Variants in SLC16A7 observed in about 807,000 individuals in gnomAD.
The protein encoded by SLC16A7 is solute carrier family 16 member 7.
Under a neutral mutation model 34.9 loss-of-function variants are expected in SLC16A7, and 33 were observed. That is an observed-to-expected ratio of 0.94 (90% CI 0.72 to 1.26). SLC16A7 has a LOEUF of 1.26. Among genes scored for constraint, SLC16A7 ranks in the 50% most tolerant of loss-of-function variants. The probability of loss-of-function intolerance (pLI) is 0.00; values close to 1 mark genes in which losing one functional copy is unlikely to be tolerated. For missense variants in SLC16A7, 573 were observed against 578.1 expected (o/e 0.99, Z 0.09); for synonymous variants, 201 against 206.6 (o/e 0.97, Z 0.23).
intron 1 of SLC16A7, among the ~76,000 whole-genome samples, chr12:59,652,390 A>G (rs1229415979): frequency 6.6e-6 from 1 of 151,990 alleles, no homozygotes; most frequent in Non-Finnish European, 1.5e-5. Flanking sequence ...GGAAGAGATC[A>G]TGAACCCTGG....
intron 2 of SLC16A7, among the ~76,000 whole-genome samples, chr12:59,692,786 A>T (rs1381859468): frequency 6.6e-6 from 1 of 152,030 alleles, no homozygotes; most frequent in African/African-American, 2.4e-5. Context: ...TGAGCTATTG[A>T]TATCTCTCTT....
intron 1 of SLC16A7, among the ~76,000 whole-genome samples, chr12:59,598,224 G>C (rs1324680477): frequency 6.6e-6 from 1 of 152,202 alleles, no homozygotes; most frequent in Non-Finnish European, 1.5e-5. Flanking sequence ...TTGTAAGGTT[G>C]AGTAATTGTT....
intron 3 of SLC16A7, among the ~76,000 whole-genome samples, chr12:59,754,940 A>G (rs570283263): frequency 6.6e-6 from 1 of 152,360 alleles, no homozygotes; most frequent in South Asian, 2.1e-4. Flanking sequence ...CTGGGATGCA[A>G]GGCTGGTTCA....
intron 1 of SLC16A7, among the ~76,000 whole-genome samples, chr12:59,638,298 CA>C (rs1367146307): frequency 2.0e-5 from 3 of 152,038 alleles, no homozygotes; most frequent in African/African-American, 7.2e-5. Flanking sequence ...AAAGAAGGGA[CA>C]GGGGAGGGAG....
chr12:59,749,668 A>C (rs1879287226), intron 3 of SLC16A7, among the ~76,000 whole-genome samples: 2 of 152,216 alleles, frequency 1.3e-5, no homozygotes, highest in African/African-American at 4.8e-5. Flanking sequence ...ATTGTTATAG[A>C]AAAAGCCATG....
At chr12:59,703,148 A>G (rs1254314707) in intron 2 of SLC16A7, among the ~76,000 whole-genome samples, 1 of 152,236 alleles carries the variant, frequency 6.6e-6, no homozygotes, top group East Asian at 1.9e-4. Context: ...TAATTCAATA[A>G]GATAAGTAAT....
intron 3 of SLC16A7, among the ~76,000 whole-genome samples, chr12:59,710,141 T>C (rs1419577528): frequency 1.3e-5 from 2 of 151,778 alleles, no homozygotes; most frequent in Non-Finnish European, 2.9e-5. Context: ...CTATCAGATC[T>C]CTGTTAGAGA....
chr12:59,654,337 T>G (rs1868425642), intron 1 of SLC16A7, among the ~76,000 whole-genome samples: 1 of 151,634 alleles, frequency 6.6e-6, no homozygotes, highest in Non-Finnish European at 1.5e-5. Context: ...TTATTATTCA[T>G]GTTGTTGTCA....
intron 3 of SLC16A7, among the ~76,000 whole-genome samples, chr12:59,736,757 A>G (rs1229011841): frequency 6.6e-6 from 1 of 152,170 alleles, no homozygotes; most frequent in African/African-American, 2.4e-5. Flanking sequence ...AGCCTTTGTT[A>G]CTAAACAAGT....
At chr12:59,759,774 A>C (rs1051764074) in intron 3 of SLC16A7, among the ~76,000 whole-genome samples, 1 of 152,042 alleles carries the variant, frequency 6.6e-6, no homozygotes, top group Non-Finnish European at 1.5e-5. Context: ...TGGTGTGTTT[A>C]GGATAACTTA....
chr12:59,714,595 T>C (rs540485282), intron 3 of SLC16A7, among the ~76,000 whole-genome samples: 5 of 151,976 alleles, frequency 3.3e-5, no homozygotes, highest in East Asian at 1.9e-4. Flanking sequence ...GATGGAGTCT[T>C]GCTCTGCCGC....
At chr12:59,758,519 A>G (rs185752593) in intron 3 of SLC16A7, among the ~76,000 whole-genome samples, 193 of 152,246 alleles carry the variant, frequency 1.3e-3, no homozygotes, top group African/African-American at 4.5e-3. Context: ...CAATCATAAT[A>G]ATTCATAACA....
intron 3 of SLC16A7, among the ~76,000 whole-genome samples, chr12:59,723,393 G>A (rs754142976): frequency 3.0e-4 from 45 of 151,776 alleles, no homozygotes; most frequent in Non-Finnish European, 6.0e-4. Context: ...GATGTACAAA[G>A]GTGACAAAGA....
At chr12:59,655,297 G>GT (rs1868478431) in intron 2 of SLC16A7, 47 bp downstream of exon 2, 1 of 151,880 alleles carries the variant, frequency 6.6e-6, no homozygotes, top group South Asian at 2.1e-4. Flanking sequence ...TCTAGCTCTT[G>GT]TAAGTCATGC....
At chr12:59,767,152 A>G (rs1881742882) in intron 3 of SLC16A7, among the ~76,000 whole-genome samples, 1 of 151,444 alleles carries the variant, frequency 6.6e-6, no homozygotes, top group Non-Finnish European at 1.5e-5. Flanking sequence ...ATGAATCAAC[A>G]TTTACTAGCT....
At position 59,761,099 on chromosome 12, in the gene SLC16A7, A is replaced by G. The variant is rs191869472; in HGVS notation, c.218-10120A>G. 1.4e-3 allele frequency: 1,520 copies of G among 1,117,396 alleles called. 3 individuals carry two copies. Among genetic ancestry groups the G allele is most frequent in the Middle Eastern group, 3.7e-3 (16 of 4,294 alleles). The allele number at this position is 1,117,396 out of a possible 1,614,324, so 69.2% of individuals were successfully genotyped here. On this transcript the variant is annotated intron_variant, in intron 3 of 5. Transcript: ENST00000547379. ...AATATGATATTTAATTGAAGAAGTT[A>G]CTGCAAAATGTACTTGTGTTTACAG...
At chr12:59,652,746 AC>A (rs1388190599) in intron 1 of SLC16A7, among the ~76,000 whole-genome samples, 1 of 151,784 alleles carries the variant, frequency 6.6e-6, no homozygotes, top group African/African-American at 2.4e-5. Flanking sequence ...TAGTTTATGA[AC>A]CTTTCTAGAA....
chr12:59,637,578 A>G (rs1173846339), intron 1 of SLC16A7, among the ~76,000 whole-genome samples: 1 of 152,074 alleles, frequency 6.6e-6, no homozygotes, highest in Non-Finnish European at 1.5e-5. Context: ...ATAGCAAAAG[A>G]CAGGTTAATG....
chr12:59,659,208 GCA>G (rs111940721), intron 2 of SLC16A7, among the ~76,000 whole-genome samples: 18 of 149,264 alleles, frequency 1.2e-4, no homozygotes, highest in Non-Finnish European at 2.4e-4. Flanking sequence ...GCATGTGCAC[GCA>G]CACACACACA....
Sources: gnomAD v4.1 joint callset for allele counts (sites outside exome capture counted in the v4.1 genomes callset) on GRCh38, gnomAD v4.1.1 for gene constraint, MANE v1.5 for transcripts, NCBI Gene and HGNC (gene_info 2026-07-23, HGNC 2026-07-21) for gene names.